Variants in SLC9A4 observed in about 807,000 individuals in gnomAD.
The protein encoded by SLC9A4 is solute carrier family 9 member A4, also known as sodium/hydrogen exchanger 4.
SLC9A4 carries 63 observed loss-of-function variants against 67.4 expected under a neutral mutation model. The observed-to-expected ratio is 0.93, with a 90% CI of 0.76 to 1.15. SLC9A4 has a LOEUF of 1.15. Among genes scored for constraint, SLC9A4 ranks in the 50% most tolerant of loss-of-function variants. The probability of loss-of-function intolerance (pLI) is 0.00; values close to 1 mark genes in which losing one functional copy is unlikely to be tolerated. For missense variants in SLC9A4, 1,089 were observed against 987.7 expected, an observed-to-expected ratio of 1.10 and a Z score of -1.38; for synonymous variants, 393 against 367.2, an observed-to-expected ratio of 1.07 and a Z score of -0.80.
intron 11 of SLC9A4, among the ~76,000 whole-genome samples, chr2:102,528,530 G>A (rs1398238977): frequency 6.6e-6 from 1 of 151,964 alleles, no homozygotes; most frequent in Non-Finnish European, 1.5e-5. Flanking sequence ...CTCCTAACAT[G>A]CTAGGATTAT....
chr2:102,526,088 A>G lies in SLC9A4; in HGVS notation c.1951-171A>G, dbSNP rs978425485. ...TTTTTAGTAGAGACGGGGTTTCACC[A>G]TGTTGGCCAGGCTGGTCTTGAACCC... On this transcript the variant is annotated intron_variant, in intron 10 of 11. Transcript: ENST00000295269. 2.0e-5 allele frequency among the ~76,000 whole-genome samples: 3 copies of G among 152,084 alleles called. 1 individual carries two copies. Among genetic ancestry groups the G allele is most frequent in the Admixed American group, 2.0e-4 (3 of 15,280 alleles).
rs780912681 is a variant in SLC9A4, at chr2:102,474,063, T to C, written c.256+48T>C. The C allele has an allele frequency of 3.8e-6, 6 of 1,584,660 alleles. No homozygotes were observed. In the Admixed American group the frequency reaches 8.6e-5, roughly 23 times the overall value. ...TGGTGAGTTATCTTTTTACATAAGATAGTGAATGTGAAAATGCCTTATAGA... is the reference window on the plus strand; with the variant it reads ...TGGTGAGTTATCTTTTTACATAAGACAGTGAATGTGAAAATGCCTTATAGA... On this transcript the variant is annotated intron_variant, in intron 1 of 11. Coordinates refer to ENST00000295269, the MANE Select transcript of SLC9A4 (RefSeq NM_001011552.4).
chr2:102,513,746 C>T (rs2104440914), intron 7 of SLC9A4, among the ~76,000 whole-genome samples: 1 of 152,286 alleles, frequency 6.6e-6, no homozygotes, highest in East Asian at 1.9e-4. Flanking sequence ...AAGCTTCAGC[C>T]CCCTCATTTC....
intron 2 of SLC9A4, among the ~76,000 whole-genome samples, chr2:102,489,717 G>A (rs1355980071): frequency 1.3e-5 from 2 of 152,170 alleles, no homozygotes; most frequent in Admixed American, 6.5e-5. Flanking sequence ...CATGAACATG[G>A]ATGAACACCT....
At chr2:102,522,053 G>T (rs867553554) in intron 9 of SLC9A4, among the ~76,000 whole-genome samples, 1 of 152,160 alleles carries the variant, frequency 6.6e-6, no homozygotes, top group Non-Finnish European at 1.5e-5. Flanking sequence ...ACCTCTGGAG[G>T]TTCCCGGTAG....
In SLC9A4 at chr2:102,525,097, G is replaced by T. The variant is rs368438401; in HGVS notation, c.1892G>T (p.Arg631Leu). 2 of 1,613,948 alleles carry T rather than the reference G, an allele frequency of 1.2e-6. No homozygotes were observed. Among genetic ancestry groups the T allele is most frequent in the South Asian group, 2.2e-5 (2 of 91,074 alleles). Reference protein sequence around the residue: ...EKQAKEILIRRQNTLRESMRK... With the variant: ...EKQAKEILIRLQNTLRESMRK... ...CAGGCTAAAGAGATTCTGATCCGCC[G>T]CCAGAACACCTTAAGGGAGAGCATG... is the stretch of plus-strand genomic sequence containing the variant. Residue 631 changes from arginine (R) to leucine (L), a missense_variant, in exon 10 of 12, where the codon CGC (arginine) becomes CTC (leucine). Coordinates refer to ENST00000295269, the MANE Select transcript of SLC9A4 (RefSeq NM_001011552.4).
chr2:102,532,159 T>C (rs770671476), intron 11 of SLC9A4, among the ~76,000 whole-genome samples, 171 bp from the exon 12 acceptor site: 20 of 152,200 alleles, frequency 1.3e-4, no homozygotes, highest in Non-Finnish European at 2.2e-4. Flanking sequence ...TCCCATCTGC[T>C]TGGGGCAGTG....
At position 102,532,803 on chromosome 2, in the gene SLC9A4, A is replaced by G. The variant is rs116003406; in HGVS notation, c.*115A>G. The G allele has an allele frequency of 2.9e-4, 325 of 1,118,058 alleles. No individual in the cohort carries two copies. In the African/African-American group the frequency reaches 4.4e-3, roughly 15 times the overall value. The allele number at this position is 1,118,058 out of a possible 1,614,324, so 69.3% of individuals were successfully genotyped here. Reference sequence around the variant, plus strand: ...CTATTGAGTTTGCTGTGTTGAAGCTATTAAACATGGATCTATAAGCAGCAG... The same window carrying G: ...CTATTGAGTTTGCTGTGTTGAAGCTGTTAAACATGGATCTATAAGCAGCAG... On this transcript the variant is annotated 3_prime_UTR_variant, in exon 12 of 12. Coordinates refer to ENST00000295269, the MANE Select transcript of SLC9A4 (RefSeq NM_001011552.4).
chr2:102,521,215 G>A (rs1426407330), intron 9 of SLC9A4, among the ~76,000 whole-genome samples: 1 of 152,196 alleles, frequency 6.6e-6, no homozygotes, highest in Non-Finnish European at 1.5e-5. Context: ...GTCTAGAAAC[G>A]GAGATGGAGA....
At chr2:102,501,667 C>A (rs555743906) in intron 2 of SLC9A4, among the ~76,000 whole-genome samples, 1 of 152,016 alleles carries the variant, frequency 6.6e-6, no homozygotes, top group East Asian at 1.9e-4. Flanking sequence ...TGGCTTCCTG[C>A]AGGCTGCAGA....
At chr2:102,495,776 T>G (rs949589892) in intron 2 of SLC9A4, among the ~76,000 whole-genome samples, 7 of 152,112 alleles carry the variant, frequency 4.6e-5, no homozygotes, top group African/African-American at 1.7e-4. Flanking sequence ...CAAAGTCTGT[T>G]CAACAAATGG....
chr2:102,498,095 G>A (rs752301512), intron 2 of SLC9A4, among the ~76,000 whole-genome samples: 3 of 152,180 alleles, frequency 2.0e-5, no homozygotes, highest in Admixed American at 6.5e-5. Context: ...ATGGGGCTGT[G>A]GACATGTTTG....
At chr2:102,495,713 T>C (rs1246667521) in intron 2 of SLC9A4, among the ~76,000 whole-genome samples, 1 of 152,172 alleles carries the variant, frequency 6.6e-6, no homozygotes, top group Non-Finnish European at 1.5e-5. Context: ...TAGACTTACA[T>C]ATACATGGCC....
At chr2:102,508,716 G>A (rs1358788768) in intron 5 of SLC9A4, 131 bp from the exon 6 acceptor site, 6 of 636,870 alleles carry the variant, frequency 9.4e-6, no homozygotes, top group Non-Finnish European at 5.3e-6. Context: ...GAACATTGCA[G>A]CATTTACTCT....
intron 11 of SLC9A4, among the ~76,000 whole-genome samples, chr2:102,529,186 T>C (rs762101230): frequency 6.6e-6 from 1 of 152,260 alleles, no homozygotes; most frequent in Non-Finnish European, 1.5e-5. Flanking sequence ...ATGTCAGTTC[T>C]ACATGAATTA....
At chr2:102,490,433 T>C (rs542284526) in intron 2 of SLC9A4, among the ~76,000 whole-genome samples, 1 of 152,374 alleles carries the variant, frequency 6.6e-6, no homozygotes, top group African/African-American at 2.4e-5. Flanking sequence ...TGCTTTGTCC[T>C]TATGTGGCCT....
intron 7 of SLC9A4, among the ~76,000 whole-genome samples, chr2:102,513,700 G>A (rs1685214723): frequency 6.6e-6 from 1 of 152,188 alleles, no homozygotes; most frequent in African/African-American, 2.4e-5. Flanking sequence ...TGCAGCTGCC[G>A]CTGTTATGCG....
Position 102,519,949 on chromosome 2 carries a change from G to T in SLC9A4, c.1812G>T (p.Arg604=). ...TGACATCCAACATGTACCAAGTTCG[G>T]CAAAGGGTGTGTATGAGCCACCTGT... ...DILTSNMYQV[R]QRTLSYNKYN... Residue 604 remains arginine, a synonymous_variant, in exon 9 of 12, where the codon CGG becomes CGT. Coordinates refer to ENST00000295269, the MANE Select transcript of SLC9A4 (RefSeq NM_001011552.4). 6.2e-7 allele frequency: 1 copy of T among 1,613,368 alleles called. No homozygotes were observed. The highest frequency in any genetic ancestry group is 8.5e-7 in the Non-Finnish European group (1 of 1,179,442).
chr2:102,514,030 A>T, intron 7 of SLC9A4, 60 bp from the exon 8 acceptor site: 2 of 1,556,986 alleles, frequency 1.3e-6, no homozygotes, highest in South Asian at 2.5e-5. Flanking sequence ...AGAGAAATGC[A>T]TACTTAATGT....
Sources: gnomAD v4.1 joint callset for allele counts (sites outside exome capture counted in the v4.1 genomes callset) on GRCh38, gnomAD v4.1.1 for gene constraint, MANE v1.5 for transcripts, NCBI Gene and HGNC (gene_info 2026-07-23, HGNC 2026-07-21) for gene names.